The following ZNF84 variants were observed in gnomAD, a reference collection of about 807,000 sequenced individuals.
ZNF84 encodes the protein zinc finger protein 84, also known as zinc finger protein HPF2.
Under a neutral mutation model 14.8 loss-of-function variants are expected in ZNF84, and 12 were observed. The ratio of observed to expected loss-of-function variants is 0.81; its 90% CI spans 0.52 to 1.31. The LOEUF (loss-of-function observed/expected upper bound fraction) is 1.31, where lower values mean the gene tolerates loss of function less well. Among genes scored for constraint, ZNF84 ranks in the 50% most tolerant of loss-of-function variants. The pLI, the probability that ZNF84 is intolerant of heterozygous loss-of-function variation, is 0.00. For missense variants in ZNF84, 859 were observed against 878.6 expected, an observed-to-expected ratio of 0.98 and a Z score of 0.28; for synonymous variants, 347 against 291.1, an observed-to-expected ratio of 1.19 and a Z score of -1.96.
At chr12:133,054,151 G>A (rs1220845665) in intron 4 of ZNF84, among the ~76,000 whole-genome samples, 1 of 151,934 alleles carries the variant, frequency 6.6e-6, no homozygotes, top group Non-Finnish European at 1.5e-5. Flanking sequence ...GGAGGGTAAA[G>A]TGGGAGAATT....
chr12:133,062,901 C>T lies in ZNF84; in HGVS notation c.*3969C>T. On this transcript the variant is annotated 3_prime_UTR_variant, in exon 5 of 5. Coordinates refer to ENST00000539354, the MANE Select transcript of ZNF84 (RefSeq NM_001289971.2). ...TTTTTGCAAATCTGCAATTGAAATG[C>T]CCTTGTTCCTTGTTAATGCCTATTG... 1 of 550,500 alleles carries T rather than the reference C, an allele frequency of 1.8e-6. No individual in the cohort carries two copies. The highest frequency in any genetic ancestry group is 1.9e-5 in the African/African-American group (1 of 53,456). The allele number at this position is 550,500 out of a possible 1,614,324, so 34.1% of individuals were successfully genotyped here.
At position 133,057,303 on chromosome 12, in the gene ZNF84, A is replaced by C; in HGVS notation, c.588A>C (p.Ile196=). The C allele has an allele frequency of 6.2e-7, 1 of 1,613,352 alleles. No homozygotes were observed. The highest frequency in any genetic ancestry group is 8.5e-7 in the Non-Finnish European group (1 of 1,179,842). ...KESYKKSQII[I]YHRNRLGEKL... ...GCTATAAAAAGTCACAGATTATCAT[A>C]TATCATAGAAATCGTTTAGGGGAGA... The change falls in exon 5 of 5, where the codon ATA becomes ATC. Residue 196 remains isoleucine (I), a synonymous_variant. Coordinates refer to ENST00000539354, the MANE Select transcript of ZNF84 (RefSeq NM_001289971.2).
In ZNF84 at chr12:133,057,088, A is replaced by C; in HGVS notation, c.373A>C (p.Lys125Gln). The change falls in exon 5 of 5, where the codon AAA becomes CAA. Residue 125 changes from lysine to glutamine, a missense_variant. By Grantham distance (53) the Lys-to-Gln change is moderately conservative. Transcript: ENST00000539354. ...GAACATGAACTTTGTTCCTTTAAGG[A>C]AATCAAACAGTGAAGGTGACTTAGA... ...NLNMNFVPLR[K>Q]SNSEGDLDGL... 1 of 1,613,710 alleles carries C rather than the reference A, an allele frequency of 6.2e-7. No homozygotes were observed. Among genetic ancestry groups the C allele is most frequent in the Non-Finnish European group, 8.5e-7 (1 of 1,179,930 alleles).
intron 4 of ZNF84, among the ~76,000 whole-genome samples, chr12:133,052,308 A>G (rs1954084264): frequency 2.0e-5 from 3 of 151,394 alleles, no homozygotes; most frequent in African/African-American, 7.3e-5. Context: ...GTGTACATGG[A>G]GAGAGAGAGA....
chr12:133,047,740 G>A (rs1359279957), intron 2 of ZNF84: 1 of 409,820 alleles, frequency 2.4e-6, no homozygotes, highest in Non-Finnish European at 4.5e-6. Flanking sequence ...TTTTCTTCTG[G>A]AGAGGCTCTC....
intron 4 of ZNF84, among the ~76,000 whole-genome samples, chr12:133,055,965 G>T (rs1319189013): frequency 6.6e-6 from 1 of 152,184 alleles, no homozygotes; most frequent in African/African-American, 2.4e-5. Context: ...TCTGGGCATG[G>T]TGGTGCATGC....
Position 133,057,969 on chromosome 12 carries a change from C to T in ZNF84, c.1254C>T (p.Leu418=), listed in dbSNP as rs1258797156. 2 of 1,613,548 alleles carry T rather than the reference C, an allele frequency of 1.2e-6. No individual in the cohort carries two copies. Among genetic ancestry groups the T allele is most frequent in the South Asian group, 1.1e-5 (1 of 91,044 alleles). ...AAGCATTTAGAGAGAGGTCGAGTCTCATTAATCATCAGAGAACACATACAG... is the reference window on the plus strand; with the variant it reads ...AAGCATTTAGAGAGAGGTCGAGTCTTATTAATCATCAGAGAACACATACAG... ...CRKAFRERSS[L]INHQRTHTGE... Residue 418 remains leucine (L), a synonymous_variant, in exon 5 of 5, where the codon CTC becomes CTT. Transcript: ENST00000539354.
At chr12:133,037,675 G>C (rs1953807507) in intron 1 of ZNF84, 130 bp downstream of exon 1, 1 of 152,326 alleles carries the variant, frequency 6.6e-6, no homozygotes, top group South Asian at 2.1e-4. Context: ...GCGGGTCTGG[G>C]GCGGGTTGGG....
intron 2 of ZNF84, 124 bp downstream of exon 2, chr12:133,041,606 A>G: frequency 1.0e-6 from 1 of 1,002,868 alleles, no homozygotes; most frequent in Non-Finnish European, 1.6e-6. Flanking sequence ...GATGATCAGG[A>G]TTGGAACAAA....
In ZNF84 at chr12:133,062,615, C is replaced by G. The variant is rs1954283344; in HGVS notation, c.*3683C>G. Reference sequence around the variant, plus strand: ...ATGCATGCATGTTTTCTGCACCTTGCTATCATTTTTCAGTCCATTTTTCAC... The same window carrying G: ...ATGCATGCATGTTTTCTGCACCTTGGTATCATTTTTCAGTCCATTTTTCAC... On this transcript the variant is annotated 3_prime_UTR_variant, in exon 5 of 5. Coordinates refer to ENST00000539354, the MANE Select transcript of ZNF84 (RefSeq NM_001289971.2). 6.0e-6 allele frequency: 1 copy of G among 166,472 alleles called. No homozygotes were observed. Among genetic ancestry groups the G allele is most frequent in the South Asian group, 1.5e-4 (1 of 6,742 alleles). The allele number at this position is 166,472 out of a possible 1,614,324, so 10.3% of individuals were successfully genotyped here.
chr12:133,049,461 A>G (rs1954037973), intron 4 of ZNF84, among the ~76,000 whole-genome samples: 1 of 152,028 alleles, frequency 6.6e-6, no homozygotes, highest in Admixed American at 6.6e-5. Context: ...CATGAAGTAT[A>G]TGAATAATCC....
At chr12:133,055,636 A>G (rs1449439909) in intron 4 of ZNF84, among the ~76,000 whole-genome samples, 1 of 152,200 alleles carries the variant, frequency 6.6e-6, no homozygotes, top group Non-Finnish European at 1.5e-5. Context: ...TAAGCAGGGT[A>G]TTTTTCACAA....
At chr12:133,042,223 G>A (rs1335850425) in intron 2 of ZNF84, among the ~76,000 whole-genome samples, 1 of 152,176 alleles carries the variant, frequency 6.6e-6, no homozygotes, top group Non-Finnish European at 1.5e-5. Context: ...CATAAAAGTA[G>A]TGATGCTAGT....
At position 133,061,696 on chromosome 12, in the gene ZNF84, A is replaced by G. The variant is rs1015483297; in HGVS notation, c.*2764A>G. Reference sequence around the variant, plus strand: ...TAACTATTAAGCAGTTAAACCTGATACTTCCTACACTAGATAATGGAACTT... The same window carrying G: ...TAACTATTAAGCAGTTAAACCTGATGCTTCCTACACTAGATAATGGAACTT... On this transcript the variant is annotated 3_prime_UTR_variant, in exon 5 of 5. Coordinates refer to ENST00000539354, the MANE Select transcript of ZNF84 (RefSeq NM_001289971.2). 2 of 152,226 alleles carry G rather than the reference A, an allele frequency of 1.3e-5. No individual in the cohort carries two copies. Among genetic ancestry groups the G allele is most frequent in the Non-Finnish European group, 2.9e-5 (2 of 68,044 alleles). The allele number at this position is 152,226 out of a possible 1,614,324, so 9.4% of individuals were successfully genotyped here. A position where few individuals can be genotyped will look rare whatever the true frequency, so the allele number is the denominator to read the frequency against.
At chr12:133,047,907 T>C in intron 2 of ZNF84, 48 bp from the exon 3 acceptor site, 1 of 1,602,766 alleles carries the variant, frequency 6.2e-7, no homozygotes, top group Non-Finnish European at 8.5e-7. Flanking sequence ...TTTTCTCACA[T>C]CATACGGTGT....
At chr12:133,046,358 T>G (rs1953978454) in intron 2 of ZNF84, among the ~76,000 whole-genome samples, 7 of 25,780 alleles carry the variant, frequency 2.7e-4, no homozygotes, top group East Asian at 3.6e-3. Context: ...TTTTTTTTTT[T>G]TTTTTTTTTT....
Position 133,056,956 on chromosome 12 carries a change from G to A in ZNF84, c.241G>A (p.Val81Ile). ...GATTGTTTTTGTTTCCTTTATAGAA[G>A]TCTGGAAAGTAGATGGTAACATGAT... ...GEIPSSDSPE[V>I]WKVDGNMMWH... The change falls in exon 5 of 5, where the codon GTC becomes ATC. Residue 81 changes from valine (V) to isoleucine (I), a missense_variant and splice_region_variant. Physicochemically the swap from Val to Ile is conservative, Grantham distance 29 (BLOSUM62 3). Transcript: ENST00000539354. 6.4e-7 allele frequency: 1 copy of A among 1,564,650 alleles called. No individual in the cohort carries two copies. The highest frequency in any genetic ancestry group is 8.6e-7 in the Non-Finnish European group (1 of 1,162,694).
rs1401779568 is a variant in ZNF84 at position 133,060,975 on chromosome 12, A to G, written c.*2043A>G. 1 of 152,204 alleles carries G rather than the reference A, an allele frequency of 6.6e-6. No individual in the cohort carries two copies. Among genetic ancestry groups the G allele is most frequent in the African/African-American group, 2.4e-5 (1 of 41,458 alleles). The allele number at this position is 152,204 out of a possible 1,614,324, so 9.4% of individuals were successfully genotyped here. A position where few individuals can be genotyped will look rare whatever the true frequency, so the allele number is the denominator to read the frequency against. The stretch of plus-strand genomic sequence containing the variant: ...TTTATGTTCAAATTGTTGTATCAGT[A>G]TGGTATTTTGCACCTTTACCTTAAA... On this transcript the variant is annotated 3_prime_UTR_variant, in exon 5 of 5. Coordinates refer to ENST00000539354, the MANE Select transcript of ZNF84 (RefSeq NM_001289971.2).
Position 133,057,291 on chromosome 12 carries a change from A to T in ZNF84, c.576A>T (p.Ser192=). 6.2e-7 allele frequency: 1 copy of T among 1,613,620 alleles called. No individual in the cohort carries two copies. The highest frequency in any genetic ancestry group is 2.2e-5 in the East Asian group (1 of 44,884). ...AATATAAAGAGAGCTATAAAAAGTC[A>T]CAGATTATCATATATCATAGAAATC... ...CDKYKESYKK[S]QIIIYHRNRL... is the part of the protein sequence containing the mutation. The change falls in exon 5 of 5, where the codon TCA becomes TCT. Residue 192 remains serine (S), a synonymous_variant. Transcript: ENST00000539354.
Sources: gnomAD v4.1 joint callset for allele counts (sites outside exome capture counted in the v4.1 genomes callset) on GRCh38, gnomAD v4.1.1 for gene constraint, MANE v1.5 for transcripts, NCBI Gene and HGNC (gene_info 2026-07-23, HGNC 2026-07-21) for gene names.